The following VARS2 variants were observed in gnomAD, a reference collection of about 807,000 sequenced individuals.
VARS2 encodes the protein valine--tRNA ligase, mitochondrial.
A neutral mutation model predicts 154.1 loss-of-function variants in VARS2; 105 were observed. That is an observed-to-expected ratio of 0.68 (90% CI 0.58 to 0.80). The LOEUF is 0.80. Among genes scored for constraint, VARS2 ranks in the 30% least tolerant of loss-of-function variants. The pLI is 0.00. For synonymous variants in VARS2, 483 were observed against 539.5 expected (o/e 0.90, Z 1.45); for missense variants, 1,157 against 1,361.4 (o/e 0.85, Z 2.36).
At position 30,915,449 on chromosome 6, in the gene VARS2, A is replaced by C; in HGVS notation, c.378A>C (p.Glu126Asp). The C allele has an allele frequency of 1.9e-6, 3 of 1,613,890 alleles. No homozygotes were observed. The highest frequency in any genetic ancestry group is 2.5e-6 in the Non-Finnish European group (3 of 1,179,948). ...WWVREGFFKP[E>D]YQARLPQATG... ...TACGAGAGGGCTTCTTCAAACCAGAATATCAGGTTAGTATCTGGCAGGGAG... is the reference window on the plus strand; with the variant it reads ...TACGAGAGGGCTTCTTCAAACCAGACTATCAGGTTAGTATCTGGCAGGGAG... Residue 126 changes from glutamate (E) to aspartate (D), a missense_variant, in exon 4 of 30, where the codon GAA becomes GAC. Coordinates refer to ENST00000676266, the MANE Select transcript of VARS2 (RefSeq NM_020442.6).
At position 30,922,888 on chromosome 6, in the gene VARS2, C is replaced by G. The variant is rs1794617225; in HGVS notation, c.2107-10C>G. ...GGCATCTGCCACCCTTCTTCTTCCT[C>G]TGGTTGCAGAAAAAGGACTTTCCTC... On this transcript the variant is annotated splice_polypyrimidine_tract_variant and intron_variant, in intron 22 of 29. Transcript: ENST00000676266. The G allele has an allele frequency of 6.3e-7, 1 of 1,597,084 alleles. No homozygotes were observed. Among genetic ancestry groups the G allele is most frequent in the Admixed American group, 1.7e-5 (1 of 58,518 alleles).
In VARS2 at chr6:30,921,099, C is replaced by T. The variant is rs61746524; in HGVS notation, c.1514C>T (p.Ser505Phe). Residue 505 changes from serine to phenylalanine, a missense_variant, in exon 16 of 30, where the codon TCC (serine) becomes TTC (phenylalanine). Transcript: ENST00000676266. This position sits in a 1 kb window ranked among gnomAD's most constrained non-coding sequence, Gnocchi z 4.6. ...TCGGGGGCCCTGGAGCTCAGTCCCTCCTTCCACCAGAAGAACTGGCAGCAC... is the reference window on the plus strand; with the variant it reads ...TCGGGGGCCCTGGAGCTCAGTCCCTTCTTCCACCAGAAGAACTGGCAGCAC... Reference protein sequence around the residue: ...VESGALELSPSFHQKNWQHWF... With the variant: ...VESGALELSPFFHQKNWQHWF... 3,788 of 1,613,870 alleles carry T rather than the reference C, an allele frequency of 2.3e-3. 96 individuals carry two copies. The African/African-American group carries it at 0.044, about 19-fold the overall frequency.
Position 30,919,719 on chromosome 6 carries a change from C to T in VARS2, c.1075-39C>T. The T allele has an allele frequency of 6.7e-7, 1 of 1,499,972 alleles. No individual in the cohort carries two copies. Among genetic ancestry groups the T allele is most frequent in the South Asian group, 1.3e-5 (1 of 74,858 alleles). 92.9% of individuals were successfully genotyped at this position (1,499,972 alleles called of 1,614,324 possible). A position where few individuals can be genotyped will look rare whatever the true frequency, so the allele number is the denominator to read the frequency against. ...CCCCAGCCCAGACCCTTCCAACCCT[C>T]ACAGGTGCCTGTCCTTGATCCCTCT... On this transcript the variant is annotated intron_variant, in intron 11 of 29. Transcript: ENST00000676266. The surrounding 1 kb of genome is among the most constrained non-coding windows in gnomAD (Gnocchi z 4.5).
chr6:30,916,481 TA>T lies in VARS2; in HGVS notation c.671+233del. 4 of 214,896 alleles carry T rather than the reference TA, an allele frequency of 1.9e-5. No individual in the cohort carries two copies. Among genetic ancestry groups the T allele is most frequent in the Non-Finnish European group, 1.5e-5 (2 of 129,994 alleles). The allele number at this position is 214,896 out of a possible 1,614,324, so 13.3% of individuals were successfully genotyped here. ...GTGTGTGTGTGTGTGTGTGTGTATT[TA>T]TATATATATATATATTTTCTTTCTC... On this transcript the variant is annotated intron_variant, in intron 7 of 29. Coordinates refer to ENST00000676266, the MANE Select transcript of VARS2 (RefSeq NM_020442.6). This position sits in a 1 kb window ranked among gnomAD's most constrained non-coding sequence, Gnocchi z 4.0.
rs759012552 is a variant in VARS2, at chr6:30,924,455, G to C, written c.2568G>C (p.Leu856=). The part of the protein sequence containing the change: ...ADLGLRLLAP[L]MPFLAEELWQ... ...TCGGCCTCCGCCTCCTGGCCCCACT[G>C]ATGCCCTTCCTGGCTGAAGAGCTCT... Residue 856 remains leucine (L), a synonymous_variant, in exon 26 of 30, where the codon CTG becomes CTC. Coordinates refer to ENST00000676266, the MANE Select transcript of VARS2 (RefSeq NM_020442.6). The C allele has an allele frequency of 2.5e-6, 4 of 1,612,594 alleles. No homozygotes were observed. The East Asian group carries it at 8.9e-5, about 36-fold the overall frequency.
intron 20 of VARS2, 88 bp from the exon 21 acceptor site, chr6:30,922,362 T>A: frequency 6.2e-7 from 1 of 1,604,690 alleles, no homozygotes; most frequent in Non-Finnish European, 8.5e-7. Context: ...CTAATTCACT[T>A]CCTACCCTAC....
rs890631399 is a variant in VARS2, at chr6:30,916,248, G to A, written c.670G>A (p.Ala224Thr). Reference sequence around the variant, plus strand: ...TAGGGAGGTGTGGCAGTGGAAGGAGGCGTGAGTATGATGGGCAGGACTCGG... The same window carrying A: ...TAGGGAGGTGTGGCAGTGGAAGGAGACGTGAGTATGATGGGCAGGACTCGG... ...FLREVWQWKE[A>T]KGGEICEQLR... Residue 224 changes from alanine to threonine, a missense_variant and splice_region_variant, in exon 7 of 30, where the codon GCG (alanine) becomes ACG (threonine). Physicochemically the swap from Ala to Thr is moderately conservative, Grantham distance 58 (BLOSUM62 0). Transcript: ENST00000676266. The surrounding 1 kb of genome is among the most constrained non-coding windows in gnomAD (Gnocchi z 4.0). 6.2e-7 allele frequency: 1 copy of A among 1,611,812 alleles called. No homozygotes were observed. The highest frequency in any genetic ancestry group is 1.3e-5 in the African/African-American group (1 of 74,886).
At chr6:30,915,058 T>C (rs1343674233) in intron 2 of VARS2, 21 bp downstream of exon 2, 2 of 1,612,840 alleles carry the variant, frequency 1.2e-6, no homozygotes, top group Admixed American at 3.3e-5. Context: ...AGACAGCTTG[T>C]CCTTGGGTTT....
chr6:30,918,960 G>A (rs1328574951), intron 11 of VARS2, 45 bp downstream of exon 11: 2 of 1,557,632 alleles, frequency 1.3e-6, no homozygotes, highest in Admixed American at 3.3e-5. Flanking sequence ...CCCGCCAATG[G>A]CCTTCTCTTC....
Position 30,920,115 on chromosome 6 carries a change from A to G in VARS2, c.1192A>G (p.Ser398Gly). The change falls in exon 13 of 30, where the codon AGT (serine) becomes GGT (glycine). Residue 398 changes from serine (S) to glycine (G), a missense_variant. Coordinates refer to ENST00000676266, the MANE Select transcript of VARS2 (RefSeq NM_020442.6). The surrounding 1 kb of genome is among the most constrained non-coding windows in gnomAD (Gnocchi z 4.6). ...GGCAGTGAAGGTGACTCCAGCTCACAGTCCTGCCGATGCTGAGATGGGGGC... is the reference window on the plus strand; with the variant it reads ...GGCAGTGAAGGTGACTCCAGCTCACGGTCCTGCCGATGCTGAGATGGGGGC... ...TGAVKVTPAH[S>G]PADAEMGARH... 1 of 1,565,968 alleles carries G rather than the reference A, an allele frequency of 6.4e-7. No individual in the cohort carries two copies. Among genetic ancestry groups the G allele is most frequent in the Non-Finnish European group, 8.6e-7 (1 of 1,157,160 alleles).
chr6:30,914,540 G>C, intron 1 of VARS2, 196 bp downstream of exon 1: 1 of 1,340,830 alleles, frequency 7.5e-7, no homozygotes, highest in Non-Finnish European at 9.6e-7. Context: ...TCATCTCCCT[G>C]AGTTTCTGAG....
At position 30,921,326 on chromosome 6, in the gene VARS2, G is replaced by C. The variant is rs760390352; in HGVS notation, c.1632+21G>C. 6.2e-7 allele frequency: 1 copy of C among 1,613,858 alleles called. No homozygotes were observed. The highest frequency in any genetic ancestry group is 8.5e-7 in the Non-Finnish European group (1 of 1,179,920). ...CGCAGGTGGGTAGGAAGAAGCACCC[G>C]GAGGGCCGAGTGTGGCACAGAGCAC... On this transcript the variant is annotated intron_variant, in intron 17 of 29. Coordinates refer to ENST00000676266, the MANE Select transcript of VARS2 (RefSeq NM_020442.6). This position sits in a 1 kb window ranked among gnomAD's most constrained non-coding sequence, Gnocchi z 4.6.
At position 30,922,149 on chromosome 6, in the gene VARS2, CT is replaced by C. The variant is rs1449144177; in HGVS notation, c.1844del (p.Leu615TrpfsTer45). The C allele has an allele frequency of 6.2e-7, 1 of 1,612,778 alleles. No homozygotes were observed. Among genetic ancestry groups the C allele is most frequent in the Non-Finnish European group, 8.5e-7 (1 of 1,179,938 alleles). On this transcript the variant is annotated frameshift_variant, in exon 20 of 30. Coordinates refer to ENST00000676266, the MANE Select transcript of VARS2 (RefSeq NM_020442.6). LOFTEE classifies it high-confidence loss of function. ...CCTTGCTCGTTTCTACCCCCTGTCA[CT>C]TTTGGAAACGGGCAGCGACCTTCTG... ...PDLARFYPLS[L>X]LETGSDLLLF...
At position 30,919,751 on chromosome 6, in the gene VARS2, C is replaced by A; in HGVS notation, c.1075-7C>A. 1 of 1,559,854 alleles carries A rather than the reference C, an allele frequency of 6.4e-7. No individual in the cohort carries two copies. The highest frequency in any genetic ancestry group is 8.7e-7 in the Non-Finnish European group (1 of 1,148,178). ...GCCTGTCCTTGATCCCTCTCCCTTCCCTTCAGCATCTACACGGGCGACAGC... is the reference window on the plus strand; with the variant it reads ...GCCTGTCCTTGATCCCTCTCCCTTCACTTCAGCATCTACACGGGCGACAGC... On this transcript the variant is annotated splice_region_variant and splice_polypyrimidine_tract_variant and intron_variant, in intron 11 of 29. Transcript: ENST00000676266. The surrounding 1 kb of genome is among the most constrained non-coding windows in gnomAD (Gnocchi z 4.5).
At chr6:30,918,757 C>A in intron 10 of VARS2, 70 bp from the exon 11 acceptor site, 2 of 1,210,480 alleles carry the variant, frequency 1.7e-6, no homozygotes, top group Non-Finnish European at 2.4e-6. Flanking sequence ...AGTTCTACTG[C>A]CTTTAGCTAT....
In VARS2 at chr6:30,919,880, TG is replaced by T. The variant is rs747847375; in HGVS notation, c.1165+37del. The T allele has an allele frequency of 1.2e-5, 18 of 1,526,318 alleles. No individual in the cohort carries two copies. Among genetic ancestry groups the T allele is most frequent in the Admixed American group, 8.1e-5 (4 of 49,152 alleles). The allele number at this position is 1,526,318 out of a possible 1,614,324, so 94.5% of individuals were successfully genotyped here. ...GGAAGTCAGGGGAGGGAGAGAAAGT[TG>T]GGGGTCCTGGAGGAGAGGGGAGGGA... On this transcript the variant is annotated intron_variant, in intron 12 of 29. Transcript: ENST00000676266. The surrounding 1 kb of genome is among the most constrained non-coding windows in gnomAD (Gnocchi z 4.5).
At chr6:30,923,612 CAGTT>C (rs1463205846) in intron 25 of VARS2, 107 bp downstream of exon 25, 78 of 1,480,638 alleles carry the variant, frequency 5.3e-5, no homozygotes, top group Non-Finnish European at 6.2e-5. Flanking sequence ...ATTGTCCCCT[CAGTT>C]AGGAGAGGAG....
chr6:30,915,487 G>A lies in VARS2; in HGVS notation c.384+32G>A. 4 of 1,602,510 alleles carry A rather than the reference G, an allele frequency of 2.5e-6. No individual in the cohort carries two copies. In the South Asian group the frequency reaches 4.4e-5, roughly 18 times the overall value. ...ATCTGGCAGGGAGGGGTCCTAAATT[G>A]TCTCCAGGACAGAGTGGCCCTTGAA... is the stretch of plus-strand genomic sequence containing the variant. On this transcript the variant is annotated intron_variant, in intron 4 of 29. Transcript: ENST00000676266.
rs146014484 is a variant in VARS2 at position 30,925,944 on chromosome 6, A to G, written c.3026A>G (p.Gln1009Arg). The G allele has an allele frequency of 1.5e-5, 25 of 1,612,994 alleles. No homozygotes were observed. Among genetic ancestry groups the G allele is most frequent in the African/African-American group, 6.7e-5 (5 of 74,926 alleles). ...GCCCGAAGGTACAAGTTGCAGAAGC[A>G]GCTTGACAGCCTCACAGCCAGGACC... ...LAARRYKLQK[Q>R]LDSLTARTPS... The change falls in exon 29 of 30, where the codon CAG (glutamine) becomes CGG (arginine). Residue 1009 changes from glutamine to arginine, a missense_variant. Physicochemically the swap from Gln to Arg is conservative, Grantham distance 43 (BLOSUM62 1). Coordinates refer to ENST00000676266, the MANE Select transcript of VARS2 (RefSeq NM_020442.6).
Sources: allele counts gnomAD v4.1 joint callset, GRCh38; gene constraint gnomAD v4.1.1; non-coding constraint Gnocchi (gnomAD v3.1); transcripts MANE v1.5; gene names NCBI Gene and HGNC (gene_info 2026-07-23, HGNC 2026-07-21).